The following NME7 variants were observed in gnomAD, a reference collection of about 807,000 sequenced individuals.
The protein encoded by NME7 is NME/NM23 family member 7.
In NME7, 41 loss-of-function variants were observed where a neutral mutation model predicts 49.1. The observed-to-expected ratio is 0.83, with a 90% CI of 0.65 to 1.08. The LOEUF (loss-of-function observed/expected upper bound fraction) is 1.08, where lower values mean the gene tolerates loss of function less well. Among genes scored for constraint, NME7 ranks in the 50% least tolerant of loss-of-function variants. The pLI is 0.00. For synonymous variants in NME7, 139 were observed against 150.6 expected, an observed-to-expected ratio of 0.92 and a Z score of 0.56; for missense variants, 423 against 463.4, an observed-to-expected ratio of 0.91 and a Z score of 0.80.
intron 7 of NME7, among the ~76,000 whole-genome samples, chr1:169,257,162 C>A (rs567571205): frequency 5.2e-5 from 7 of 134,726 alleles, no homozygotes; most frequent in Non-Finnish European, 1.1e-4. Flanking sequence ...CCTCCCCCAG[C>A]CTCGCTGCCA....
chr1:169,165,680 G>A (rs1313059754), intron 11 of NME7, among the ~76,000 whole-genome samples: 1 of 152,072 alleles, frequency 6.6e-6, no homozygotes, highest in Non-Finnish European at 1.5e-5. Context: ...TGTGTCACTC[G>A]GATTTTCACT....
chr1:169,162,902 T>C (rs1659292189), intron 11 of NME7, among the ~76,000 whole-genome samples: 1 of 152,152 alleles, frequency 6.6e-6, no homozygotes, highest in African/African-American at 2.4e-5. Flanking sequence ...GTATACAGAA[T>C]TAAAATTTGA....
At chr1:169,299,585 T>A (rs1436542537) in intron 5 of NME7, among the ~76,000 whole-genome samples, 2 of 152,066 alleles carry the variant, frequency 1.3e-5, no homozygotes, top group Non-Finnish European at 2.9e-5. Flanking sequence ...AGAGAAGAGA[T>A]CCTCCTGGAG....
intron 10 of NME7, among the ~76,000 whole-genome samples, chr1:169,182,782 A>C (rs1659964473): frequency 6.6e-6 from 1 of 152,218 alleles, no homozygotes; most frequent in South Asian, 2.1e-4. Context: ...TGAATGGATG[A>C]ATGGAATGAC....
intron 1 of NME7, among the ~76,000 whole-genome samples, chr1:169,336,310 A>T (rs1335871617): frequency 1.3e-5 from 2 of 151,604 alleles, no homozygotes; most frequent in African/African-American, 4.8e-5. Context: ...GAGCGAAAGA[A>T]CAAAGCTTCC....
intron 7 of NME7, among the ~76,000 whole-genome samples, chr1:169,252,581 C>T (rs1044997896): frequency 2.6e-5 from 4 of 152,072 alleles, no homozygotes; most frequent in Non-Finnish European, 4.4e-5. Flanking sequence ...TCCCATTTGT[C>T]GATTTTGTCT....
intron 7 of NME7, among the ~76,000 whole-genome samples, chr1:169,281,625 C>A (rs1053912785): frequency 1.3e-5 from 2 of 152,056 alleles, no homozygotes; most frequent in African/African-American, 4.8e-5. Context: ...GAGATATGTT[C>A]CATCAATACC....
At chr1:169,196,387 T>C (rs899926382) in intron 10 of NME7, among the ~76,000 whole-genome samples, 1 of 152,174 alleles carries the variant, frequency 6.6e-6, no homozygotes, top group African/African-American at 2.4e-5. Flanking sequence ...ATTGCTTCCT[T>C]ATTCTCACAG....
intron 1 of NME7, among the ~76,000 whole-genome samples, chr1:169,330,552 G>A (rs1436218162): frequency 2.6e-5 from 4 of 152,072 alleles, no homozygotes; most frequent in African/African-American, 4.8e-5. Flanking sequence ...GGTGGCAGGC[G>A]CCTGTAGTCC....
At chr1:169,365,943 A>G (rs1482749594) in intron 1 of NME7, among the ~76,000 whole-genome samples, 1 of 152,244 alleles carries the variant, frequency 6.6e-6, no homozygotes, top group African/African-American at 2.4e-5. Context: ...AAAATAGGAG[A>G]AACCAGGAGG....
chr1:169,165,975 C>A (rs1478612329), intron 11 of NME7, among the ~76,000 whole-genome samples: 2 of 152,190 alleles, frequency 1.3e-5, no homozygotes, highest in Non-Finnish European at 2.9e-5. Flanking sequence ...CATTAATGTA[C>A]ACTGAAATCT....
intron 7 of NME7, among the ~76,000 whole-genome samples, chr1:169,252,023 G>A (rs532514204): frequency 0.015 from 2,248 of 149,014 alleles, 48 homozygotes; most frequent in African/African-American, 0.05. Context: ...ATAAACATAC[G>A]TGTGCATGTG....
At chr1:169,133,901 T>C (rs2101800591) in intron 11 of NME7, among the ~76,000 whole-genome samples, 1 of 152,326 alleles carries the variant, frequency 6.6e-6, no homozygotes, top group East Asian at 1.9e-4. Context: ...TCATTCAAAC[T>C]GGAGGGTATT....
At chr1:169,297,125 C>T (rs1251372570) in intron 6 of NME7, among the ~76,000 whole-genome samples, 1 of 152,080 alleles carries the variant, frequency 6.6e-6, no homozygotes, top group African/African-American at 2.4e-5. Flanking sequence ...AGGTGGGCGC[C>T]ACCACACCCA....
chr1:169,322,230 G>A (rs947490713), intron 3 of NME7: 6 of 151,972 alleles, frequency 3.9e-5, no homozygotes, highest in African/African-American at 1.5e-4. Flanking sequence ...CCCTTTTACA[G>A]ATGACTGTAT....
chr1:169,278,446 A>G (rs1239722446), intron 7 of NME7, among the ~76,000 whole-genome samples: 2 of 151,960 alleles, frequency 1.3e-5, no homozygotes, highest in Non-Finnish European at 2.9e-5. Flanking sequence ...TTCATCTTCC[A>G]TCACTGAAAC....
intron 7 of NME7, among the ~76,000 whole-genome samples, chr1:169,254,623 T>C (rs1192314741): frequency 6.7e-6 from 1 of 148,858 alleles, no homozygotes; most frequent in Non-Finnish European, 1.5e-5. Context: ...ATGTGTTTGC[T>C]CTTGCTTTTC....
intron 10 of NME7, among the ~76,000 whole-genome samples, chr1:169,192,657 G>A (rs1161588654): frequency 1.3e-5 from 2 of 152,100 alleles, no homozygotes; most frequent in Non-Finnish European, 2.9e-5. Context: ...AGTTTACTCT[G>A]TAACAGTTCT....
chr1:169,211,828 A>G (rs954149107), intron 10 of NME7, among the ~76,000 whole-genome samples: 6 of 152,288 alleles, frequency 3.9e-5, no homozygotes, highest in African/African-American at 1.4e-4. Flanking sequence ...AATTTGAATT[A>G]CATCTTCTGC....
Sources: allele counts gnomAD v4.1 joint callset (sites outside exome capture counted in the v4.1 genomes callset), GRCh38; gene constraint gnomAD v4.1.1; transcripts MANE v1.5; gene names NCBI Gene and HGNC (gene_info 2026-07-23, HGNC 2026-07-21).